DACT2: variants seen among roughly 807,000 people sequenced by gnomAD.
DACT2 encodes the protein dishevelled binding antagonist of beta catenin 2.
In DACT2, 20 loss-of-function variants were observed where a neutral mutation model predicts 22.2. That is an observed-to-expected ratio of 0.90 (90% CI 0.63 to 1.31). The LOEUF (loss-of-function observed/expected upper bound fraction) is 1.31, where lower values mean the gene tolerates loss of function less well. Ranked by LOEUF, DACT2 falls within the 50% of genes most tolerant of loss-of-function variation. The probability of loss-of-function intolerance (pLI) is 0.00; values close to 1 mark genes in which losing one functional copy is unlikely to be tolerated. For missense variants in DACT2, 1,048 were observed against 1,061.4 expected (o/e 0.99, Z 0.18); for synonymous variants, 463 against 479.8 (o/e 0.96, Z 0.46).
chr6:168,303,827 T>C (rs1005928584), downstream of DACT2, among the ~76,000 whole-genome samples: 23 of 152,210 alleles, frequency 1.5e-4, no homozygotes, highest in Admixed American at 2.6e-4. Context: ...TAAAGTAGGT[T>C]GGGACATTTT....
intron 1 of DACT2, among the ~76,000 whole-genome samples, chr6:168,315,955 T>G (rs1298139305): frequency 6.6e-6 from 1 of 152,164 alleles, no homozygotes; most frequent in Non-Finnish European, 1.5e-5. Context: ...GTAAGAAAAA[T>G]GTAAAAGTGT....
At chr6:168,310,539 C>G in intron 2 of DACT2, 93 bp from the exon 3 acceptor site, 1 of 1,477,744 alleles carries the variant, frequency 6.8e-7, no homozygotes, top group Non-Finnish European at 9.0e-7. Flanking sequence ...CAGGTGGGCC[C>G]AGGGGAACCC....
At chr6:168,294,602 T>TATATATACAC (rs768380927) in intron 4 of DACT2, 1 of 811,922 alleles carries the variant, frequency 1.2e-6, no homozygotes, top group African/African-American at 2.6e-5. Flanking sequence ...TATATATATA[T>TATATATACAC]ACACATATAA....
downstream of DACT2, among the ~76,000 whole-genome samples, chr6:168,306,263 T>C (rs1779203824): frequency 1.3e-5 from 2 of 152,206 alleles, no homozygotes; most frequent in South Asian, 4.1e-4. Context: ...TCATGTAAAA[T>C]TCTTTTAATC....
At chr6:168,318,769 C>T (rs1370868194) in intron 1 of DACT2, among the ~76,000 whole-genome samples, 2 of 152,148 alleles carry the variant, frequency 1.3e-5, no homozygotes, top group Non-Finnish European at 2.9e-5. Flanking sequence ...TCTCTCTCCT[C>T]TGGATCAGAG....
chr6:168,307,861 G>T lies in DACT2; in HGVS notation c.1896C>A (p.Pro632=), dbSNP rs1779258431. The T allele has an allele frequency of 6.5e-7, 1 of 1,538,828 alleles. No homozygotes were observed. Among genetic ancestry groups the T allele is most frequent in the Non-Finnish European group, 8.7e-7 (1 of 1,145,944 alleles). Residue 632 remains proline, a synonymous_variant, in exon 4 of 4, where the codon CCC becomes CCA. Coordinates refer to ENST00000366795, the MANE Select transcript of DACT2 (RefSeq NM_214462.5). The surrounding 1 kb of genome is among the most constrained non-coding windows in gnomAD (Gnocchi z 5.3). Reference sequence around the variant, plus strand: ...CACCTGCTCTCCTGGCCACGGGCCTGGGGGGCCCCAGGTTAGACTCAGGAC... The same window carrying T: ...CACCTGCTCTCCTGGCCACGGGCCTTGGGGGCCCCAGGTTAGACTCAGGAC... ...ASCPESNLGP[P]RPVARRAGGP...
chr6:168,309,211 A>C (rs190601790), intron 3 of DACT2, 113 bp from the exon 4 acceptor site: 2 of 1,422,096 alleles, frequency 1.4e-6, no homozygotes, highest in Admixed American at 5.4e-5. Context: ...CACTGCTTCG[A>C]GGAACTCCTG....
chr6:168,294,470 T>G (rs1778965592), intron 4 of DACT2, among the ~76,000 whole-genome samples: 1 of 133,946 alleles, frequency 7.5e-6, no homozygotes, highest in African/African-American at 2.9e-5. Context: ...CCCTCCCCGC[T>G]CCCCCCACCC....
Position 168,308,226 on chromosome 6 carries a change from C to G in DACT2, c.1531G>C (p.Ala511Pro). ...RSPMDKVLRF[A>P]RQPLLLLDRP... ...TCCAGTAGAAGCAGCGGCTGCCTTG[C>G]AAACCTCAGCACCTTGTCCATGGGA... is the stretch of plus-strand genomic sequence containing the variant. Residue 511 changes from alanine to proline, a missense_variant, in exon 4 of 4, where the codon GCA (alanine) becomes CCA (proline). Physicochemically the swap from Ala to Pro is conservative, Grantham distance 27. Transcript: ENST00000366795. The G allele has an allele frequency of 6.4e-7, 1 of 1,551,930 alleles. No individual in the cohort carries two copies. The highest frequency in any genetic ancestry group is 8.7e-7 in the Non-Finnish European group (1 of 1,147,050).
intron 3 of DACT2, among the ~76,000 whole-genome samples, chr6:168,296,055 AGCG>A (rs2114891819): frequency 7.0e-6 from 1 of 142,210 alleles, no homozygotes; most frequent in African/African-American, 2.7e-5. Flanking sequence ...ATCCATCCAC[AGCG>A]GTGAGGAGAT....
At chr6:168,293,801 T>C in exon 6 of DACT2, 1 of 698,658 alleles carries the variant, frequency 1.4e-6, no homozygotes, top group Non-Finnish European at 2.6e-6. Context: ...GGGCCGATGA[T>C]ATCGGGAGAA....
chr6:168,297,167 G>T (rs1163373011), intron 3 of DACT2, among the ~76,000 whole-genome samples: 1 of 152,218 alleles, frequency 6.6e-6, no homozygotes, highest in East Asian at 1.9e-4. Context: ...AAAGTTGGAA[G>T]TCTTGGGCAT....
At position 168,311,193 on chromosome 6, in the gene DACT2, G is replaced by T. The variant is rs1340248476; in HGVS notation, c.338C>A (p.Ala113Asp). 1.3e-6 allele frequency: 2 copies of T among 1,549,084 alleles called. No homozygotes were observed. Among genetic ancestry groups the T allele is most frequent in the Non-Finnish European group, 1.7e-6 (2 of 1,145,530 alleles). ...GTCGCTGTCCAGGGCCTCCCCTGAG[G>T]CTGTGCCCACATCCAGCTGCAGCTT... ...ISKLQLDVGT[A>D]SGEALDSDSR... Residue 113 changes from alanine to aspartate, a missense_variant, in exon 2 of 4, where the codon GCC (alanine) becomes GAC (aspartate). Physicochemically the swap from Ala to Asp is moderately radical, Grantham distance 126. Coordinates refer to ENST00000366795, the MANE Select transcript of DACT2 (RefSeq NM_214462.5).
chr6:168,312,851 A>G (rs1779454592), intron 1 of DACT2, among the ~76,000 whole-genome samples: 1 of 152,156 alleles, frequency 6.6e-6, no homozygotes, highest in Admixed American at 6.5e-5. Context: ...GCAGGTAGCA[A>G]TGGTTTCCTG....
chr6:168,298,647 T>C (rs1488573792), intron 3 of DACT2: 1 of 152,282 alleles, frequency 6.6e-6, no homozygotes, highest in African/African-American at 2.4e-5. Flanking sequence ...TTCATGTACA[T>C]GCAATGACCT....
rs975585385 is a variant in DACT2 at position 168,319,454 on chromosome 6, G to T, written c.180C>A (p.Gly60=). 1.7e-6 allele frequency: 2 copies of T among 1,205,770 alleles called. No individual in the cohort carries two copies. The highest frequency in any genetic ancestry group is 3.3e-4 in the Middle Eastern group (1 of 3,052). 74.7% of individuals were successfully genotyped at this position (1,205,770 alleles called of 1,614,324 possible). ...GCTCGGGGCCGTGGAGGCCGTGGGGGCCGCAGGGCGCGGCGGGCGCGGGCG... is the reference window on the plus strand; with the variant it reads ...GCTCGGGGCCGTGGAGGCCGTGGGGTCCGCAGGGCGCGGCGGGCGCGGGCG... ...QPPPAPAAPC[G]PHGLHGPEQQ... Residue 60 remains glycine, a synonymous_variant, in exon 1 of 4, where the codon GGC becomes GGA. Coordinates refer to ENST00000366795, the MANE Select transcript of DACT2 (RefSeq NM_214462.5).
At chr6:168,299,922 A>G (rs1340286068) in intron 3 of DACT2, 4 of 152,258 alleles carry the variant, frequency 2.6e-5, no homozygotes, top group Non-Finnish European at 5.9e-5. Flanking sequence ...ATCAACAAGG[A>G]ACGCTGGGCT....
rs989035361 is a variant in DACT2, at chr6:168,308,211, G to A, written c.1546C>T (p.Leu516Phe). The change falls in exon 4 of 4, where the codon CTT becomes TTT. Residue 516 changes from leucine (L) to phenylalanine (F), a missense_variant. Physicochemically the swap from Leu to Phe is conservative, Grantham distance 22. Transcript: ENST00000366795. ...KVLRFARQPL[L>F]LLDRPEGAHA... ...GCTCCCTCAGGCCTGTCCAGTAGAA[G>A]CAGCGGCTGCCTTGCAAACCTCAGC... 23 of 1,551,668 alleles carry A rather than the reference G, an allele frequency of 1.5e-5. No individual in the cohort carries two copies. Among genetic ancestry groups the A allele is most frequent in the Middle Eastern group, 3.3e-4 (2 of 6,016 alleles).
chr6:168,319,448 G>T lies in DACT2; in HGVS notation c.186C>A (p.His62Gln), dbSNP rs1779592457. The stretch of plus-strand genomic sequence containing the variant: ...GCTGCTGCTCGGGGCCGTGGAGGCC[G>T]TGGGGGCCGCAGGGCGCGGCGGGCG... The part of the protein sequence containing the change: ...PPAPAAPCGP[H>Q]GLHGPEQQLE... Residue 62 changes from histidine to glutamine, a missense_variant, in exon 1 of 4, where the codon CAC becomes CAA. His to Gln is a conservative substitution (Grantham distance 24). Coordinates refer to ENST00000366795, the MANE Select transcript of DACT2 (RefSeq NM_214462.5). The T allele has an allele frequency of 5.8e-6, 7 of 1,205,888 alleles. No homozygotes were observed. The highest frequency in any genetic ancestry group is 1.6e-5 in the African/African-American group (1 of 63,108). 74.7% of individuals were successfully genotyped at this position (1,205,888 alleles called of 1,614,324 possible).
Sources: gnomAD v4.1 joint callset for allele counts (sites outside exome capture counted in the v4.1 genomes callset) on GRCh38, gnomAD v4.1.1 for gene constraint, Gnocchi (gnomAD v3.1) non-coding constraint, MANE v1.5 for transcripts, NCBI Gene and HGNC (gene_info 2026-07-23, HGNC 2026-07-21) for gene names.